STRIP2: variants seen among roughly 807,000 people sequenced by gnomAD.
The protein encoded by STRIP2 is striatin interacting protein 2.
STRIP2 carries 84 observed loss-of-function variants against 107.1 expected under a neutral mutation model. The ratio of observed to expected loss-of-function variants is 0.78; its 90% CI spans 0.66 to 0.94. The LOEUF (loss-of-function observed/expected upper bound fraction) is 0.94. Among genes scored for constraint, STRIP2 ranks in the 40% least tolerant of loss-of-function variants. STRIP2 has a pLI of 0.00. For missense variants in STRIP2, 888 were observed against 1,034.2 expected (o/e 0.86, Z 1.94); for synonymous variants, 394 against 400.4 (o/e 0.98, Z 0.19).
chr7:129,484,839 TCA>T (rs1799206548), intron 20 of STRIP2, among the ~76,000 whole-genome samples: 1 of 152,182 alleles, frequency 6.6e-6, no homozygotes, highest in African/African-American at 2.4e-5. Flanking sequence ...GAGCCCAAAC[TCA>T]CACTACACTT....
chr7:129,476,606 A>G (rs1489181892), intron 18 of STRIP2, among the ~76,000 whole-genome samples: 2 of 140,232 alleles, frequency 1.4e-5, no homozygotes, highest in African/African-American at 5.4e-5. Flanking sequence ...TGCTCCCCAC[A>G]TCTCACGATG....
At chr7:129,482,781 CTG>C in intron 19 of STRIP2, 59 bp from the exon 20 acceptor site, 2 of 1,594,598 alleles carry the variant, frequency 1.3e-6, no homozygotes, top group Non-Finnish European at 1.7e-6. Context: ...TTTAATTTGT[CTG>C]TAAACTGGAA....
chr7:129,480,888 T>C lies in STRIP2; in HGVS notation c.2048T>C (p.Met683Thr), dbSNP rs200116230. 6.2e-7 allele frequency: 1 copy of C among 1,607,876 alleles called. No homozygotes were observed. The highest frequency in any genetic ancestry group is 8.5e-7 in the Non-Finnish European group (1 of 1,177,888). The change falls in exon 19 of 21, where the codon ATG becomes ACG. Residue 683 changes from methionine to threonine, a missense_variant and splice_region_variant. Physicochemically the swap from Met to Thr is moderately conservative, Grantham distance 81. Transcript: ENST00000249344. ...ACCAAATGGAAACATTCCCGGACCA[T>C]GGTGAGTGTGGTTTTTTACATCATG... Reference protein sequence around the residue: ...KLTKWKHSRTMMLVVFKSAPI... With the variant: ...KLTKWKHSRTTMLVVFKSAPI...
chr7:129,480,475 T>A (rs1184941736), intron 18 of STRIP2, among the ~76,000 whole-genome samples: 1 of 152,176 alleles, frequency 6.6e-6, no homozygotes, highest in African/African-American at 2.4e-5. Context: ...GGGGGTAAAA[T>A]TCTCTCATCT....
intron 1 of STRIP2, among the ~76,000 whole-genome samples, chr7:129,435,004 A>G (rs1247716210): frequency 6.6e-6 from 1 of 152,242 alleles, no homozygotes; most frequent in Non-Finnish European, 1.5e-5. Flanking sequence ...GCTCAGCCGC[A>G]GGAAAGCAGG....
At chr7:129,462,935 G>A in intron 13 of STRIP2, 31 bp from the exon 14 acceptor site, 1 of 1,596,362 alleles carries the variant, frequency 6.3e-7, no homozygotes, top group Non-Finnish European at 8.6e-7. Context: ...CTGGAAAGTG[G>A]CATTGCCAAA....
At chr7:129,473,007 G>A (rs894396536) in intron 18 of STRIP2, among the ~76,000 whole-genome samples, 5 of 151,588 alleles carry the variant, frequency 3.3e-5, no homozygotes, top group South Asian at 2.1e-4. Context: ...GGCTGGTCTC[G>A]AACTCCTGGT....
chr7:129,463,952 A>G, intron 14 of STRIP2, 92 bp from the exon 15 acceptor site: 1 of 975,140 alleles, frequency 1.0e-6, no homozygotes, highest in African/African-American at 1.6e-5. Flanking sequence ...TGGCTTTAAA[A>G]CACTTTTTAT....
chr7:129,434,652 G>A (rs1009810326), intron 1 of STRIP2, 51 bp downstream of exon 1: 20 of 1,430,706 alleles, frequency 1.4e-5, no homozygotes, highest in Admixed American at 1.1e-4. Context: ...CCGCCGGCGG[G>A]AAGCGGCGGC....
chr7:129,457,864 A>G (rs79106616), intron 9 of STRIP2, among the ~76,000 whole-genome samples: 149 of 152,310 alleles, frequency 9.8e-4, no homozygotes, highest in Non-Finnish European at 1.8e-3. Context: ...CAGCTGGTGT[A>G]TGCTCACAGA....
Position 129,483,917 on chromosome 7 carries a change from A to AT in STRIP2, c.2254+878dup, listed in dbSNP as rs1799186642. ...CCACTACACCCGGCTAATTTTTCAA[A>AT]TTTTTTTGTAGAGATGGAGTCTCTC... is the stretch of plus-strand genomic sequence containing the variant. On this transcript the variant is annotated intron_variant, in intron 20 of 20. Transcript: ENST00000249344. This position sits in a 1 kb window ranked among gnomAD's most constrained non-coding sequence, Gnocchi z 5.1. Among the ~76,000 whole-genome samples, 1 of 151,864 alleles carries AT rather than the reference A, an allele frequency of 6.6e-6. No homozygotes were observed. Among genetic ancestry groups the AT allele is most frequent in the Admixed American group, 6.6e-5 (1 of 15,232 alleles).
At chr7:129,447,852 C>T (rs1798079354) in intron 3 of STRIP2, among the ~76,000 whole-genome samples, 1 of 152,206 alleles carries the variant, frequency 6.6e-6, no homozygotes, top group African/African-American at 2.4e-5. Context: ...TGACATTCTC[C>T]AAGATTCATC....
rs754863771 is a variant in STRIP2 at position 129,480,894 on chromosome 7, G to C, written c.2049+5G>C. On this transcript the variant is annotated splice_donor_5th_base_variant and intron_variant, in intron 19 of 20. Transcript: ENST00000249344. Reference sequence around the variant, plus strand: ...TGGAAACATTCCCGGACCATGGTGAGTGTGGTTTTTTACATCATGGAGTTG... The same window carrying C: ...TGGAAACATTCCCGGACCATGGTGACTGTGGTTTTTTACATCATGGAGTTG... 15 of 1,605,712 alleles carry C rather than the reference G, an allele frequency of 9.3e-6. No individual in the cohort carries two copies. Among genetic ancestry groups the C allele is most frequent in the Non-Finnish European group, 1.1e-5 (13 of 1,177,066 alleles).
At chr7:129,443,225 A>C (rs1395062587) in intron 2 of STRIP2, among the ~76,000 whole-genome samples, 2 of 151,898 alleles carry the variant, frequency 1.3e-5, no homozygotes, top group Admixed American at 6.6e-5. Flanking sequence ...TTTTTTGTAG[A>C]GATAGGGTCA....
chr7:129,444,517 G>A (rs1797983711), intron 3 of STRIP2, among the ~76,000 whole-genome samples: 1 of 152,148 alleles, frequency 6.6e-6, no homozygotes, highest in South Asian at 2.1e-4. Flanking sequence ...GATTAAGGGT[G>A]GATCTGCCTT....
At chr7:129,459,659 G>A (rs1467200046) in intron 12 of STRIP2, 79 bp downstream of exon 12, 3 of 1,233,888 alleles carry the variant, frequency 2.4e-6, no homozygotes, top group South Asian at 2.4e-5. Flanking sequence ...TGGATACTGG[G>A]TGGGGCTTTT....
chr7:129,441,898 G>A (rs1212182040), intron 2 of STRIP2, among the ~76,000 whole-genome samples: 5 of 152,190 alleles, frequency 3.3e-5, no homozygotes, highest in Admixed American at 1.3e-4. Flanking sequence ...CTACAGGTGT[G>A]AGCCACCACA....
rs544536095 is a variant in STRIP2, at chr7:129,486,996, C to CTTTTTTTTTTTT, written c.*1190_*1201dup. ...TTTCTGATTTAGTTAGGATCATATGCTTTTTTTTTTTTTTTTTTTTTTTTT... is the reference window on the plus strand; with the variant it reads ...TTTCTGATTTAGTTAGGATCATATGCTTTTTTTTTTTTTTTTTTTTTTTTTTTTTTTTTTTTT... On this transcript the variant is annotated 3_prime_UTR_variant, in exon 21 of 21. Transcript: ENST00000249344. 1.9e-5 allele frequency: 1 copy of CTTTTTTTTTTTT among 53,168 alleles called. No homozygotes were observed. Among genetic ancestry groups the CTTTTTTTTTTTT allele is most frequent in the Non-Finnish European group, 3.1e-5 (1 of 31,794 alleles). 3.3% of individuals were successfully genotyped at this position (53,168 alleles called of 1,614,324 possible). A position where few individuals can be genotyped will look rare whatever the true frequency, so the allele number is the denominator to read the frequency against.
chr7:129,447,441 C>A (rs879924413), intron 3 of STRIP2, among the ~76,000 whole-genome samples: 1 of 152,180 alleles, frequency 6.6e-6, no homozygotes, highest in South Asian at 2.1e-4. Flanking sequence ...ATTTATTTCC[C>A]GTCCTCTGGC....
Sources: allele counts gnomAD v4.1 joint callset (sites outside exome capture counted in the v4.1 genomes callset), GRCh38; gene constraint gnomAD v4.1.1; non-coding constraint Gnocchi (gnomAD v3.1); transcripts MANE v1.5; gene names NCBI Gene and HGNC (gene_info 2026-07-23, HGNC 2026-07-21).